CYLD: variants seen among roughly 807,000 people sequenced by gnomAD.
CYLD encodes the protein CYLD lysine 63 deubiquitinase, also known as ubiquitin carboxyl-terminal hydrolase CYLD.
In CYLD, 26 loss-of-function variants were observed where a neutral mutation model predicts 104.5. That is an observed-to-expected ratio of 0.25 (90% confidence interval 0.18 to 0.35). The LOEUF is 0.35. Among genes scored for constraint, CYLD ranks in the 10% least tolerant of loss-of-function variants. The pLI is 1.00. For missense variants in CYLD, 703 were observed against 1,136.1 expected, an observed-to-expected ratio of 0.62 and a Z score of 5.48; for synonymous variants, 385 against 399.9, an observed-to-expected ratio of 0.96 and a Z score of 0.45.
chr16:50,742,538 CCCCT>C, intron 1 of CYLD: 1 of 340,630 alleles, frequency 2.9e-6, no homozygotes. Flanking sequence ...GGACGCTGTC[CCCCT>C]CCCGCCCCCC....
In CYLD at chr16:50,742,100, G is replaced by C. The variant is rs889262297; in HGVS notation, c.-228G>C. 1 of 152,478 alleles carries C rather than the reference G, an allele frequency of 6.6e-6. No individual in the cohort carries two copies. The highest frequency in any genetic ancestry group is 2.4e-5 in the African/African-American group (1 of 41,470). 9.4% of individuals were successfully genotyped at this position (152,478 alleles called of 1,614,324 possible). ...GGGGCGGGCCCAGGTAGCAGGTTTG[G>C]CTGCGCGGGGGCCGCGCGTCGGAGG... On this transcript the variant is annotated 5_prime_UTR_variant, in exon 1 of 19. Transcript: ENST00000427738.
At chr16:50,789,100 C>T (rs891374081) in intron 14 of CYLD, among the ~76,000 whole-genome samples, 20 of 151,992 alleles carry the variant, frequency 1.3e-4, no homozygotes, top group Non-Finnish European at 2.5e-4. Flanking sequence ...TTATAAGCTA[C>T]GAAGGCAAAG....
intron 5 of CYLD, among the ~76,000 whole-genome samples, chr16:50,758,354 A>G (rs1346579633): frequency 6.6e-6 from 1 of 152,106 alleles, no homozygotes. Context: ...AAGTTGTAGG[A>G]GCCGCAGTGG....
chr16:50,782,502 G>A (rs1405106681), intron 11 of CYLD, 36 bp downstream of exon 11: 26 of 1,609,494 alleles, frequency 1.6e-5, no homozygotes, highest in Middle Eastern at 1.6e-4. Flanking sequence ...TATAGATAGT[G>A]CCATGAGGCA....
chr16:50,776,363 C>A, intron 7 of CYLD, 86 bp downstream of exon 7: 1 of 973,540 alleles, frequency 1.0e-6, no homozygotes, highest in Non-Finnish European at 1.6e-6. Context: ...GCTATTACTT[C>A]TGAACATGTA....
intron 5 of CYLD, among the ~76,000 whole-genome samples, chr16:50,774,959 A>G (rs1969518409): frequency 6.6e-6 from 1 of 152,208 alleles, no homozygotes; most frequent in African/African-American, 2.4e-5. Context: ...ATATTATGAG[A>G]TGTTTAAGAT....
chr16:50,784,114 G>T, intron 11 of CYLD: 36 of 491,006 alleles, frequency 7.3e-5, no homozygotes, highest in Middle Eastern at 6.0e-4. Context: ...CAGTATTATT[G>T]GTGTTGTCCT....
intron 4 of CYLD, among the ~76,000 whole-genome samples, chr16:50,753,987 T>A (rs1172295008): frequency 6.6e-6 from 1 of 152,196 alleles, no homozygotes; most frequent in East Asian, 1.9e-4. Flanking sequence ...ACTGTCTTTT[T>A]AAACCTCAAA....
chr16:50,761,926 C>T (rs1567432775), intron 5 of CYLD, among the ~76,000 whole-genome samples: 2 of 152,244 alleles, frequency 1.3e-5, no homozygotes, highest in African/African-American at 2.4e-5. Context: ...AGGCCACTTT[C>T]ATCATACTAA....
At chr16:50,789,981 C>G (rs1429559169) in intron 14 of CYLD, among the ~76,000 whole-genome samples, 1 of 152,050 alleles carries the variant, frequency 6.6e-6, no homozygotes, top group Non-Finnish European at 1.5e-5. Context: ...CAGAATGTTG[C>G]ACAAAGGGAT....
intron 5 of CYLD, among the ~76,000 whole-genome samples, chr16:50,757,030 A>G (rs966730618): frequency 6.6e-6 from 1 of 152,178 alleles, no homozygotes; most frequent in Non-Finnish European, 1.5e-5. Context: ...CCATGGAGAT[A>G]TATTTTGTCT....
intron 5 of CYLD, among the ~76,000 whole-genome samples, chr16:50,761,776 A>ATC (rs753354331): frequency 1.6e-4 from 24 of 150,128 alleles, no homozygotes; most frequent in Admixed American, 4.0e-4. Context: ...CTATCTATCT[A>ATC]TATCTTTGAC....
intron 5 of CYLD, among the ~76,000 whole-genome samples, chr16:50,773,050 A>G (rs1013509280): frequency 6.6e-6 from 1 of 152,202 alleles, no homozygotes; most frequent in African/African-American, 2.4e-5. Context: ...GTTTAATAAT[A>G]CCTCATTCTA....
rs1188426523 is a variant in CYLD, at chr16:50,795,720, C to T, written c.2687-604C>T. Reference sequence around the variant, plus strand: ...CATCCCAGCCCCATCTGTAGATGTGCCCCCAACCCAGTTAACATTTGCACT... The same window carrying T: ...CATCCCAGCCCCATCTGTAGATGTGTCCCCAACCCAGTTAACATTTGCACT... On this transcript the variant is annotated intron_variant, in intron 18 of 18. Transcript: ENST00000427738. 4 of 634,508 alleles carry T rather than the reference C, an allele frequency of 6.3e-6. No individual in the cohort carries two copies. In the East Asian group the frequency reaches 1.1e-4, roughly 18 times the overall value. 39.3% of individuals were successfully genotyped at this position (634,508 alleles called of 1,614,324 possible).
chr16:50,777,975 CCTTT>C (rs775388064), intron 8 of CYLD, 34 bp downstream of exon 8: 35 of 1,190,458 alleles, frequency 2.9e-5, no homozygotes, highest in African/African-American at 2.4e-4. Flanking sequence ...TTATAATGAT[CCTTT>C]CTTTCTAACT....
chr16:50,755,414 C>A (rs1394794250), intron 5 of CYLD, among the ~76,000 whole-genome samples: 1 of 152,104 alleles, frequency 6.6e-6, no homozygotes, highest in Non-Finnish European at 1.5e-5. Flanking sequence ...ATTGCTGGAT[C>A]AAACGCTAGA....
chr16:50,751,728 C>T lies in CYLD; in HGVS notation c.629C>T (p.Thr210Ile), dbSNP rs1227089057. 5.0e-6 allele frequency: 8 copies of T among 1,613,818 alleles called. No homozygotes were observed. Among genetic ancestry groups the T allele is most frequent in the Non-Finnish European group, 6.8e-6 (8 of 1,179,836 alleles). Residue 210 changes from threonine to isoleucine, a missense_variant, in exon 4 of 19, where the codon ACT (threonine) becomes ATT (isoleucine). Around this residue, in one of 5 missense-constraint regions of CYLD, gnomAD observed 123 missense variants for 213.3 expected, o/e 0.58. Transcript: ENST00000427738. ...DKLELIEDDD[T>I]ALESDYAGPG... ...CTAGAACTCATAGAAGATGATGACA[C>T]TGCATTGGAAAGTGATTACGCAGGT...
chr16:50,748,988 G>A (rs1462646654), intron 2 of CYLD, among the ~76,000 whole-genome samples: 1 of 152,192 alleles, frequency 6.6e-6, no homozygotes, highest in African/African-American at 2.4e-5. Context: ...GATTGTTTGA[G>A]CCCAGGAGTT....
intron 5 of CYLD, among the ~76,000 whole-genome samples, chr16:50,766,533 A>G (rs1044379748): frequency 1.3e-5 from 2 of 152,202 alleles, no homozygotes; most frequent in East Asian, 1.9e-4. Flanking sequence ...TATTTAAGAA[A>G]TACATTCTGT....
Sources: allele counts gnomAD v4.1 joint callset (sites outside exome capture counted in the v4.1 genomes callset), GRCh38; gene constraint gnomAD v4.1.1; regional missense constraint gnomAD v4.1.1; transcripts MANE v1.5; gene names NCBI Gene and HGNC (gene_info 2026-07-23, HGNC 2026-07-21).